The following ADAMTS19 variants were observed in gnomAD, a reference collection of about 807,000 sequenced individuals.
ADAMTS19 encodes ADAM metallopeptidase with thrombospondin type 1 motif 19.
Under a neutral mutation model 153.3 loss-of-function variants are expected in ADAMTS19, and 93 were observed. That is an observed-to-expected ratio of 0.61 (90% CI 0.51 to 0.72). The LOEUF (loss-of-function observed/expected upper bound fraction) is 0.72, where lower values mean the gene tolerates loss of function less well. Among genes scored for constraint, ADAMTS19 ranks in the 30% least tolerant of loss-of-function variants. The pLI is 0.00. For missense variants in ADAMTS19, 1,482 were observed against 1,552.1 expected (o/e 0.95, Z 0.76); for synonymous variants, 600 against 556.6 (o/e 1.08, Z -1.10).
At chr5:129,587,954 C>T in intron 7 of ADAMTS19, among the ~76,000 whole-genome samples, 1 of 152,106 alleles carries the variant, frequency 6.6e-6, no homozygotes, top group East Asian at 1.9e-4. Flanking sequence ...ACCTTTGAGA[C>T]TCTCTCCTAT....
At chr5:129,649,905 AG>A (rs1753239145) in intron 13 of ADAMTS19, among the ~76,000 whole-genome samples, 1 of 152,200 alleles carries the variant, frequency 6.6e-6, no homozygotes, top group African/African-American at 2.4e-5. Context: ...ATGCCAAGCA[AG>A]GTGGCTCACA....
In ADAMTS19 at chr5:129,734,974, C is replaced by CA; in HGVS notation, c.3357dup (p.Cys1120MetfsTer4). 6.2e-7 allele frequency: 1 copy of CA among 1,610,624 alleles called. No individual in the cohort carries two copies. The highest frequency in any genetic ancestry group is 8.5e-7 in the Non-Finnish European group (1 of 1,178,278). Reference sequence around the variant, plus strand: ...CAAAGGAATGCAGTCCCGTGTAATCCAATGCATGCATAAGATCACAGGAAG... The same window carrying CA: ...CAAAGGAATGCAGTCCCGTGTAATCCAAATGCATGCATAAGATCACAGGAAG... On this transcript the variant is annotated frameshift_variant, in exon 22 of 23. Transcript: ENST00000274487. LOFTEE classifies it high-confidence loss of function.
chr5:129,669,227 A>C (rs1238387129), intron 16 of ADAMTS19, among the ~76,000 whole-genome samples: 1 of 152,042 alleles, frequency 6.6e-6, no homozygotes, highest in Non-Finnish European at 1.5e-5. Context: ...CTTTGCCTAA[A>C]ACTATATGAA....
At chr5:129,489,635 G>A (rs1158010769) in intron 2 of ADAMTS19, among the ~76,000 whole-genome samples, 8 of 152,076 alleles carry the variant, frequency 5.3e-5, no homozygotes, top group Non-Finnish European at 7.4e-5. Flanking sequence ...TAAGTTTGAG[G>A]GGGAAAAAGA....
intron 16 of ADAMTS19, among the ~76,000 whole-genome samples, chr5:129,674,468 C>T (rs1404459284): frequency 3.9e-5 from 6 of 151,926 alleles, no homozygotes; most frequent in Non-Finnish European, 8.8e-5. Context: ...TTCTTAATTC[C>T]TTTGTGTCTT....
chr5:129,715,307 T>C (rs533786124), intron 21 of ADAMTS19, among the ~76,000 whole-genome samples: 1 of 152,332 alleles, frequency 6.6e-6, no homozygotes, highest in Admixed American at 6.5e-5. Flanking sequence ...TTGAGAATGA[T>C]TGATATTATG....
At chr5:129,729,019 T>A (rs954571623) in intron 21 of ADAMTS19, among the ~76,000 whole-genome samples, 1 of 152,132 alleles carries the variant, frequency 6.6e-6, no homozygotes, top group African/African-American at 2.4e-5. Context: ...CTTAGGTAGC[T>A]TCACCACTTA....
intron 10 of ADAMTS19, among the ~76,000 whole-genome samples, chr5:129,635,406 T>A (rs982052175): frequency 6.6e-6 from 1 of 152,220 alleles, no homozygotes; most frequent in Non-Finnish European, 1.5e-5. Flanking sequence ...CATTAATGGG[T>A]ATATACCCAA....
chr5:129,573,159 C>A (rs1332169041), intron 7 of ADAMTS19, among the ~76,000 whole-genome samples: 2 of 151,982 alleles, frequency 1.3e-5, no homozygotes, highest in Non-Finnish European at 2.9e-5. Flanking sequence ...TATCCATCTT[C>A]CCAGTTTTGT....
At chr5:129,492,228 T>C (rs1750791661) in intron 2 of ADAMTS19, among the ~76,000 whole-genome samples, 1 of 152,158 alleles carries the variant, frequency 6.6e-6, no homozygotes, top group East Asian at 1.9e-4. Context: ...GCAGATCTCC[T>C]GAGAACTCAT....
At chr5:129,643,974 T>C (rs1752942055) in intron 11 of ADAMTS19, among the ~76,000 whole-genome samples, 1 of 151,948 alleles carries the variant, frequency 6.6e-6, no homozygotes, top group Non-Finnish European at 1.5e-5. Flanking sequence ...TCACATAGCT[T>C]GTTTGTCTTT....
At chr5:129,698,196 A>C (rs77780194) in intron 19 of ADAMTS19, among the ~76,000 whole-genome samples, 1,916 of 152,290 alleles carry the variant, frequency 0.013, 13 homozygotes, top group African/African-American at 0.018. Flanking sequence ...CCCTTGGAAA[A>C]GGAGGCAATT....
intron 10 of ADAMTS19, among the ~76,000 whole-genome samples, chr5:129,627,879 G>A (rs1200073396): frequency 1.3e-5 from 2 of 151,636 alleles, no homozygotes; most frequent in Non-Finnish European, 2.9e-5. Context: ...GGAAAGCAGT[G>A]TGGCAATTCC....
At chr5:129,657,008 A>C in intron 14 of ADAMTS19, among the ~76,000 whole-genome samples, 1 of 152,208 alleles carries the variant, frequency 6.6e-6, no homozygotes, top group Non-Finnish European at 1.5e-5. Context: ...TTCTCAATCC[A>C]GGACTCCCAG....
chr5:129,662,030 T>C (rs1334485311), intron 15 of ADAMTS19, among the ~76,000 whole-genome samples: 1 of 152,216 alleles, frequency 6.6e-6, no homozygotes, highest in African/African-American at 2.4e-5. Flanking sequence ...AAAGTGTTTT[T>C]TTCCTCTATC....
At chr5:129,583,171 C>G (rs1452833857) in intron 7 of ADAMTS19, among the ~76,000 whole-genome samples, 2 of 152,090 alleles carry the variant, frequency 1.3e-5, no homozygotes, top group Admixed American at 6.5e-5. Flanking sequence ...ACTTATGAAG[C>G]TTAGTTTGGC....
intron 21 of ADAMTS19, among the ~76,000 whole-genome samples, chr5:129,714,212 G>T (rs1466168001): frequency 2.0e-5 from 3 of 151,570 alleles, no homozygotes; most frequent in Non-Finnish European, 4.4e-5. Context: ...GAGGTCAGGA[G>T]ATCGAGACCA....
intron 2 of ADAMTS19, among the ~76,000 whole-genome samples, chr5:129,487,439 C>T (rs1227185972): frequency 6.6e-6 from 1 of 152,022 alleles, no homozygotes; most frequent in African/African-American, 2.4e-5. Flanking sequence ...CTTTTATTCA[C>T]TCAATGGCTT....
chr5:129,708,512 T>G (rs755976982), intron 21 of ADAMTS19, among the ~76,000 whole-genome samples: 1 of 149,348 alleles, frequency 6.7e-6, no homozygotes, highest in Non-Finnish European at 1.5e-5. Context: ...TTTTTTTTTT[T>G]GGTCTGAATT....
Sources: gnomAD v4.1 joint callset for allele counts (sites outside exome capture counted in the v4.1 genomes callset) on GRCh38, gnomAD v4.1.1 for gene constraint, MANE v1.5 for transcripts, NCBI Gene and HGNC (gene_info 2026-07-23, HGNC 2026-07-21) for gene names.